Variants in KMT2C observed in about 807,000 individuals in gnomAD.
KMT2C encodes lysine methyltransferase 2C.
KMT2C carries 88 observed loss-of-function variants against 507.9 expected under a neutral mutation model. The ratio of observed to expected loss-of-function variants is 0.17; its 90% CI spans 0.15 to 0.21. The LOEUF (loss-of-function observed/expected upper bound fraction) is 0.21. KMT2C is among the 10% of genes least tolerant of loss of function. The pLI is 1.00. For synonymous variants in KMT2C, 2,049 were observed against 2,080.8 expected, an observed-to-expected ratio of 0.98 and a Z score of 0.42; for missense variants, 4,954 against 5,957.8, an observed-to-expected ratio of 0.83 and a Z score of 5.55.
In KMT2C at chr7:152,340,114, G is replaced by A. The variant is rs76414605; in HGVS notation, c.251-9375C>T. Among the ~76,000 whole-genome samples the A allele has an allele frequency of 2.3e-3, 339 of 150,130 alleles. 8 individuals carry two copies. In the East Asian group the frequency reaches 0.064, roughly 28 times the overall value. On this transcript the variant is annotated intron_variant, in intron 2 of 58. Coordinates refer to ENST00000262189, the MANE Select transcript of KMT2C (RefSeq NM_170606.3). ...TCCTCCCACCTCAGCTTCCCCACTAGCCAGGACTACAAGGCACATGCGATC... is the reference window on the plus strand; with the variant it reads ...TCCTCCCACCTCAGCTTCCCCACTAACCAGGACTACAAGGCACATGCGATC...
chr7:152,297,057 G>GAAAGAAAGAAAGAAAGAAAGAAAGAC (rs756980169), intron 6 of KMT2C, among the ~76,000 whole-genome samples: 25 of 90,680 alleles, frequency 2.8e-4, no homozygotes, highest in Admixed American at 8.6e-4. Context: ...AAGAAAGACA[G>GAAAGAAAGAAAGAAAGAAAGAAAGAC]AGAGAGAGAG....
chr7:152,263,262 G>A (rs1290443363), intron 8 of KMT2C, 132 bp from the exon 9 acceptor site: 7 of 682,922 alleles, frequency 1.0e-5, no homozygotes, highest in Non-Finnish European at 1.4e-5. Context: ...TGTCTCTGCA[G>A]ATAGTAACAG....
chr7:152,167,056 A>G, intron 42 of KMT2C, 90 bp downstream of exon 42: 2 of 1,044,068 alleles, frequency 1.9e-6, no homozygotes, highest in African/African-American at 1.6e-5. Context: ...GTCAAAAAAA[A>G]TCACTAGTCA....
At chr7:152,289,196 C>T (rs4024461) in intron 6 of KMT2C, among the ~76,000 whole-genome samples, 5 of 151,984 alleles carry the variant, frequency 3.3e-5, no homozygotes, top group African/African-American at 9.7e-5. Context: ...AATTGTTACA[C>T]GATGCAAAAG....
Position 152,181,580 on chromosome 7 carries a change from A to G in KMT2C, c.6280T>C (p.Tyr2094His). 6.2e-7 allele frequency: 1 copy of G among 1,614,072 alleles called. No individual in the cohort carries two copies. The highest frequency in any genetic ancestry group is 8.5e-7 in the Non-Finnish European group (1 of 1,180,020). ...NFSHNQSNDP[Y>H]SQPPLTPHPA... The stretch of plus-strand genomic sequence containing the variant: ...TGTGGGGTAAGGGGAGGCTGACTAT[A>G]TGGATCATTTGACTGATTATGAGAA... The change falls in exon 36 of 59, where the codon TAT (tyrosine) becomes CAT (histidine). Residue 2094 changes from tyrosine to histidine, a missense_variant. Around this residue, in one of 29 missense-constraint regions of KMT2C, gnomAD observed 1,689 missense variants for 1,654.3 expected, o/e 1.02. Coordinates refer to ENST00000262189, the MANE Select transcript of KMT2C (RefSeq NM_170606.3).
At position 152,138,984 on chromosome 7, in the gene KMT2C, A is replaced by C; in HGVS notation, c.14535-80T>G. The C allele has an allele frequency of 8.7e-7, 1 of 1,147,878 alleles. No homozygotes were observed. Among genetic ancestry groups the C allele is most frequent in the Admixed American group, 1.8e-5 (1 of 54,960 alleles). The allele number at this position is 1,147,878 out of a possible 1,614,324, so 71.1% of individuals were successfully genotyped here. On this transcript the variant is annotated intron_variant, in intron 57 of 58. Coordinates refer to ENST00000262189, the MANE Select transcript of KMT2C (RefSeq NM_170606.3). The surrounding 1 kb of genome is among the most constrained non-coding windows in gnomAD (Gnocchi z 4.2). ...AAAACTTCCCATTTATTGATAAAGC[A>C]GTTTTTGCTAATTAAATTTCTATTT... is the stretch of plus-strand genomic sequence containing the variant.
chr7:152,212,582 C>T (rs2094478857), intron 23 of KMT2C, among the ~76,000 whole-genome samples: 1 of 151,120 alleles, frequency 6.6e-6, no homozygotes, highest in African/African-American at 2.4e-5. Flanking sequence ...AATCAATATA[C>T]AAAAATCAGA....
Position 152,358,663 on chromosome 7 carries a change from C to T in KMT2C, c.174G>A (p.Arg58=), listed in dbSNP as rs762608478. ...CCTCATCTTCCACTGCAGTTTTCCCCCTACTTCGAGGTCTACAGAAAAAAA... is the reference window on the plus strand; with the variant it reads ...CCTCATCTTCCACTGCAGTTTTCCCTCTACTTCGAGGTCTACAGAAAAAAA... ...FQRARKKPRS[R]GKTAVEDEDS... Residue 58 remains arginine (R), a synonymous_variant, in exon 2 of 59, where the codon AGG becomes AGA. Coordinates refer to ENST00000262189, the MANE Select transcript of KMT2C (RefSeq NM_170606.3). 6.2e-7 allele frequency: 1 copy of T among 1,606,610 alleles called. No homozygotes were observed. Among genetic ancestry groups the T allele is most frequent in the Non-Finnish European group, 8.5e-7 (1 of 1,175,468 alleles).
rs368321777 is a variant in KMT2C at position 152,151,398 on chromosome 7, C to G, written c.12666+44G>C. On this transcript the variant is annotated intron_variant, in intron 50 of 58. Coordinates refer to ENST00000262189, the MANE Select transcript of KMT2C (RefSeq NM_170606.3). ...GAAGAGACACTGCCAAGGACATTTT[C>G]GCTGGAGGTAGGAGGTGGGGTCATA... 5.0e-6 allele frequency: 8 copies of G among 1,602,502 alleles called. No homozygotes were observed. In the Admixed American group the frequency reaches 6.7e-5, roughly 13 times the overall value.
chr7:152,288,928 C>A lies in KMT2C; in HGVS notation c.850-15061G>T, dbSNP rs540649312. 2.6e-5 allele frequency among the ~76,000 whole-genome samples: 4 copies of A among 152,406 alleles called. No homozygotes were observed. In the East Asian group the frequency reaches 7.7e-4, roughly 29 times the overall value. Reference sequence around the variant, plus strand: ...AACTGACAACAAAGAATTCTATATCCAGCAAAAACATCCATTAGTAATGAA... The same window carrying A: ...AACTGACAACAAAGAATTCTATATCAAGCAAAAACATCCATTAGTAATGAA... On this transcript the variant is annotated intron_variant, in intron 6 of 58. Coordinates refer to ENST00000262189, the MANE Select transcript of KMT2C (RefSeq NM_170606.3).
At chr7:152,205,052 C>G (rs2129137160) in intron 25 of KMT2C, 54 bp downstream of exon 25, 2 of 1,177,096 alleles carry the variant, frequency 1.7e-6, no homozygotes, top group Non-Finnish European at 2.4e-6. Flanking sequence ...ATAGAAATAT[C>G]AAGACCAAAG....
At chr7:152,262,146 TCC>T (rs1458142206) in intron 9 of KMT2C, among the ~76,000 whole-genome samples, 1 of 151,826 alleles carries the variant, frequency 6.6e-6, no homozygotes, top group Non-Finnish European at 1.5e-5. Flanking sequence ...CTCCACCTCC[TCC>T]CCCAGCTGGG....
chr7:152,214,490 C>T (rs2094525198), intron 23 of KMT2C, among the ~76,000 whole-genome samples: 2 of 152,060 alleles, frequency 1.3e-5, no homozygotes, highest in South Asian at 2.1e-4. Context: ...ACACTGTTTC[C>T]TTCAATCTAA....
intron 1 of KMT2C, chr7:152,367,489 A>G: frequency 2.3e-6 from 2 of 878,204 alleles, no homozygotes; most frequent in Non-Finnish European, 3.8e-6. Context: ...AAGTTCTGGG[A>G]TTACAGGTGT....
intron 55 of KMT2C, among the ~76,000 whole-genome samples, chr7:152,141,126 G>A (rs1418103898): frequency 1.3e-5 from 2 of 152,020 alleles, no homozygotes; most frequent in Non-Finnish European, 2.9e-5. Flanking sequence ...TGTAATTCCA[G>A]CTACTAGGGA....
chr7:152,251,464 C>T (rs2095561208), intron 11 of KMT2C, among the ~76,000 whole-genome samples: 3 of 152,086 alleles, frequency 2.0e-5, no homozygotes, highest in Admixed American at 1.3e-4. Context: ...AACAATCTGG[C>T]GAGCAGTTCT....
At chr7:152,245,094 G>C (rs2095447714) in intron 14 of KMT2C, among the ~76,000 whole-genome samples, 2 of 152,126 alleles carry the variant, frequency 1.3e-5, no homozygotes, top group Admixed American at 1.3e-4. Context: ...GAATATACTT[G>C]AAAATGTGAA....
At chr7:152,420,739 G>A (rs1176864285) in intron 1 of KMT2C, among the ~76,000 whole-genome samples, 2 of 151,996 alleles carry the variant, frequency 1.3e-5, no homozygotes, top group African/African-American at 4.8e-5. Flanking sequence ...GGAAGCTGAG[G>A]CAGGAGAATT....
At position 152,154,278 on chromosome 7, in the gene KMT2C, G is replaced by C. The variant is rs367748947; in HGVS notation, c.12128C>G (p.Thr4043Ser). The change falls in exon 47 of 59, where the codon ACT becomes AGT. Residue 4043 changes from threonine (T) to serine (S), a missense_variant. By Grantham distance (58) the Thr-to-Ser change is moderately conservative. This residue lies in a region of KMT2C where 417 missense variants were observed against 461.1 expected (regional missense o/e 0.90). Transcript: ENST00000262189. ...PSPIIPILPSTAGKSSESRRN... is the reference protein window; with the variant it reads ...PSPIIPILPSSAGKSSESRRN... ...AGTGTTGTTCTTACTTTTCCCAGCA[G>C]TGCTAGGAAGAATTGGAATGATGGG... The C allele has an allele frequency of 2.5e-6, 4 of 1,613,970 alleles. No individual in the cohort carries two copies. Among genetic ancestry groups the C allele is most frequent in the South Asian group, 1.1e-5 (1 of 91,078 alleles).
Sources: gnomAD v4.1 joint callset for allele counts (sites outside exome capture counted in the v4.1 genomes callset) on GRCh38, gnomAD v4.1.1 for gene constraint, gnomAD v4.1.1 regional missense constraint, Gnocchi (gnomAD v3.1) non-coding constraint, MANE v1.5 for transcripts, NCBI Gene and HGNC (gene_info 2026-07-23, HGNC 2026-07-21) for gene names.